The following NECTIN1 variants were observed in gnomAD, a reference collection of about 807,000 sequenced individuals.
NECTIN1 encodes the protein nectin-1.
In NECTIN1, 23 loss-of-function variants were observed where a neutral mutation model predicts 48.0. The observed-to-expected ratio is 0.48, with a 90% CI of 0.34 to 0.68. The LOEUF (loss-of-function observed/expected upper bound fraction) is 0.68, where lower values mean the gene tolerates loss of function less well. Among genes scored for constraint, NECTIN1 ranks in the 30% least tolerant of loss-of-function variants. NECTIN1 has a pLI of 0.01. For synonymous variants in NECTIN1, 270 were observed against 288.9 expected (o/e 0.93, Z 0.66); for missense variants, 591 against 709.9 (o/e 0.83, Z 1.90).
intron 1 of NECTIN1, among the ~76,000 whole-genome samples, chr11:119,705,964 G>A (rs1268609560): frequency 6.6e-6 from 1 of 151,972 alleles, no homozygotes; most frequent in African/African-American, 2.4e-5. Flanking sequence ...AGGCGGGGAG[G>A]GGCGGGGCAG....
At chr11:119,697,443 C>T (rs1865360638) in intron 1 of NECTIN1, among the ~76,000 whole-genome samples, 1 of 152,216 alleles carries the variant, frequency 6.6e-6, no homozygotes, top group African/African-American at 2.4e-5. Context: ...CTCAGCCCCT[C>T]TCCTTCGTAG....
chr11:119,648,098 C>T (rs11821535), intron 5 of NECTIN1, among the ~76,000 whole-genome samples: 7 of 118,706 alleles, frequency 5.9e-5, no homozygotes, highest in Admixed American at 9.4e-5. Flanking sequence ...AAAGGGAGGA[C>T]GGGTAGAAAT....
At chr11:119,723,034 G>A (rs1236093412) in intron 1 of NECTIN1, among the ~76,000 whole-genome samples, 1 of 151,998 alleles carries the variant, frequency 6.6e-6, no homozygotes, top group Admixed American at 6.5e-5. Flanking sequence ...TGGCTAACAG[G>A]GTGAAACCCC....
intron 5 of NECTIN1, among the ~76,000 whole-genome samples, chr11:119,670,715 C>T (rs1243765049): frequency 9.5e-5 from 13 of 136,620 alleles, no homozygotes; most frequent in East Asian, 4.5e-4. Context: ...GGCACGATCT[C>T]GGCTCACTGC....
intron 5 of NECTIN1, among the ~76,000 whole-genome samples, chr11:119,649,550 C>A (rs1296454231): frequency 1.3e-5 from 2 of 151,906 alleles, no homozygotes; most frequent in Non-Finnish European, 2.9e-5. Flanking sequence ...ATTAGCCAGG[C>A]ATGGCAGTGT....
intron 5 of NECTIN1, among the ~76,000 whole-genome samples, chr11:119,647,861 G>A (rs1406864865): frequency 6.6e-6 from 1 of 152,002 alleles, no homozygotes; most frequent in Non-Finnish European, 1.5e-5. Flanking sequence ...TCAGGAGTCT[G>A]AGACCAGCCT....
chr11:119,728,431 A>G (rs754473419), intron 1 of NECTIN1, 44 bp downstream of exon 1: 2 of 1,523,294 alleles, frequency 1.3e-6, no homozygotes, highest in Non-Finnish European at 8.9e-7. Context: ...AGCCCCGGGG[A>G]GGCATTGGAT....
At chr11:119,713,796 T>C (rs4245205) in intron 1 of NECTIN1, 440,470 of 454,484 alleles carry the variant, frequency 0.97, 213,542 homozygotes, top group South Asian at 0.98. Flanking sequence ...GGGCAGCTCC[T>C]ATCTCTCCTG....
At position 119,684,322 on chromosome 11, in the gene NECTIN1, G is replaced by C. The variant is rs573534824; in HGVS notation, c.80-5557C>G. Among the ~76,000 whole-genome samples the C allele has an allele frequency of 6.6e-6, 1 of 152,354 alleles. No individual in the cohort carries two copies. Among genetic ancestry groups the C allele is most frequent in the East Asian group, 1.9e-4 (1 of 5,170 alleles). On this transcript the variant is annotated intron_variant, in intron 1 of 5. Coordinates refer to ENST00000264025, the MANE Select transcript of NECTIN1 (RefSeq NM_002855.5). The surrounding 1 kb of genome is among the most constrained non-coding windows in gnomAD (Gnocchi z 5.2). ...TCCTGAGACTCTGCCTGGGGGCCTTGAAGTGGCTGGGCAGGGGCAGCCAAC... is the reference window on the plus strand; with the variant it reads ...TCCTGAGACTCTGCCTGGGGGCCTTCAAGTGGCTGGGCAGGGGCAGCCAAC...
Position 119,664,405 on chromosome 11 carries a change from G to T in NECTIN1, c.*342C>A. 9.1e-7 allele frequency: 1 copy of T among 1,094,554 alleles called. No homozygotes were observed. Among genetic ancestry groups the T allele is most frequent in the African/African-American group, 1.6e-5 (1 of 61,198 alleles). 67.8% of individuals were successfully genotyped at this position (1,094,554 alleles called of 1,614,324 possible). A position where few individuals can be genotyped will look rare whatever the true frequency, so the allele number is the denominator to read the frequency against. On this transcript the variant is annotated 3_prime_UTR_variant, in exon 6 of 6. Coordinates refer to ENST00000264025, the MANE Select transcript of NECTIN1 (RefSeq NM_002855.5). ...CCAGTGTAGGGGGGCGGGGGAGGCT[G>T]GCTCCCCAAACCCTGGAGGGATGCC...
chr11:119,685,653 G>A lies in NECTIN1; in HGVS notation c.80-6888C>T, dbSNP rs996155690. ...CCCCATCCACATGGCCCATCATGGG[G>A]CCAGTCCTGAGCCAGCCTCTGACTC... On this transcript the variant is annotated intron_variant, in intron 1 of 5. Coordinates refer to ENST00000264025, the MANE Select transcript of NECTIN1 (RefSeq NM_002855.5). 2.0e-5 allele frequency among the ~76,000 whole-genome samples: 3 copies of A among 152,170 alleles called. No individual in the cohort carries two copies. The East Asian group carries it at 5.8e-4, about 29-fold the overall frequency.
At chr11:119,685,619 T>C (rs1865142415) in intron 1 of NECTIN1, among the ~76,000 whole-genome samples, 1 of 152,194 alleles carries the variant, frequency 6.6e-6, no homozygotes, top group African/African-American at 2.4e-5. Context: ...GCCTGTTTCA[T>C]GCTGGCTGCC....
chr11:119,638,676 A>AT lies in NECTIN1; in HGVS notation c.1227+54dup. On this transcript the variant is annotated intron_variant, in intron 7 of 7. Transcript: ENST00000341398. ...GGCTCTCTCCTTGGGGCCATCTCCC[A>AT]TTTTTCTCCCTCCCCGCAGTCCAGG... 3 of 1,517,362 alleles carry AT rather than the reference A, an allele frequency of 2.0e-6. No individual in the cohort carries two copies. The South Asian group carries it at 3.5e-5, about 18-fold the overall frequency. The allele number at this position is 1,517,362 out of a possible 1,614,324, so 94.0% of individuals were successfully genotyped here. A position where few individuals can be genotyped will look rare whatever the true frequency, so the allele number is the denominator to read the frequency against.
chr11:119,648,063 C>CA (rs55695982), intron 5 of NECTIN1, among the ~76,000 whole-genome samples: 14,718 of 43,126 alleles, frequency 0.34, 4,714 homozygotes, highest in Non-Finnish European at 0.44. Context: ...GACACCGTCT[C>CA]AAAAAAAAAA....
In NECTIN1 at chr11:119,664,689, G is replaced by C. The variant is rs1321619957; in HGVS notation, c.*58C>G. 2.7e-6 allele frequency: 4 copies of C among 1,493,466 alleles called. No homozygotes were observed. The African/African-American group carries it at 5.6e-5, about 21-fold the overall frequency. 92.5% of individuals were successfully genotyped at this position (1,493,466 alleles called of 1,614,324 possible). On this transcript the variant is annotated 3_prime_UTR_variant, in exon 6 of 6. Transcript: ENST00000264025. ...GAGTGGGAGGTGGGGGGTGGGCAGG[G>C]GGCGTGCGGGGAGGGGCTGGGGAGG...
At chr11:119,638,217 G>T (rs760975164) in exon 8 of NECTIN1, 1 of 1,613,952 alleles carries the variant, frequency 6.2e-7, no homozygotes, top group Admixed American at 1.7e-5. Context: ...TCTTCTTGCT[G>T]CTGCTGCCTC....
chr11:119,727,479 C>G lies in NECTIN1; in HGVS notation c.79+996G>C, dbSNP rs573580162. Among the ~76,000 whole-genome samples the G allele has an allele frequency of 6.6e-6, 1 of 152,314 alleles. No individual in the cohort carries two copies. The highest frequency in any genetic ancestry group is 2.1e-4 in the South Asian group (1 of 4,830). On this transcript the variant is annotated intron_variant, in intron 1 of 5. Coordinates refer to ENST00000264025, the MANE Select transcript of NECTIN1 (RefSeq NM_002855.5). This position sits in a 1 kb window ranked among gnomAD's most constrained non-coding sequence, Gnocchi z 4.1. Reference sequence around the variant, plus strand: ...GAGGAACTCCCCACACCCCTTGACCCACGCTTGGTGTCCAGTCAGCCGGCG... The same window carrying G: ...GAGGAACTCCCCACACCCCTTGACCGACGCTTGGTGTCCAGTCAGCCGGCG...
chr11:119,671,632 G>A (rs1049629057), intron 5 of NECTIN1, among the ~76,000 whole-genome samples: 2 of 152,160 alleles, frequency 1.3e-5, no homozygotes, highest in South Asian at 2.1e-4. Context: ...GAAATGCTCC[G>A]GCATCAGATT....
Position 119,664,196 on chromosome 11 carries a change from C to T in NECTIN1, c.*551G>A. The T allele has an allele frequency of 1.0e-6, 1 of 987,118 alleles. No homozygotes were observed. The allele number at this position is 987,118 out of a possible 1,614,324, so 61.1% of individuals were successfully genotyped here. ...ACTGGGGAGAAGCCGCACCCCTCCC[C>T]CTACCTCTTGGGCGCACCAGCTGTC... On this transcript the variant is annotated 3_prime_UTR_variant, in exon 6 of 6. Transcript: ENST00000264025.
Sources: allele counts gnomAD v4.1 joint callset (sites outside exome capture counted in the v4.1 genomes callset), GRCh38; gene constraint gnomAD v4.1.1; non-coding constraint Gnocchi (gnomAD v3.1); transcripts MANE v1.5; gene names NCBI Gene and HGNC (gene_info 2026-07-23, HGNC 2026-07-21).